Variants in DACH1 observed in about 807,000 individuals in gnomAD.
The protein encoded by DACH1 is dachshund family transcription factor 1.
In DACH1, 12 loss-of-function variants were observed where a neutral mutation model predicts 54.2. That is an observed-to-expected ratio of 0.22 (90% CI 0.14 to 0.36). DACH1 has a LOEUF of 0.36. Ranked by LOEUF, DACH1 falls within the 10% of genes least tolerant of loss-of-function variation. The probability of loss-of-function intolerance (pLI) is 1.00; values close to 1 mark genes in which losing one functional copy is unlikely to be tolerated. For missense variants in DACH1, 805 were observed against 929.8 expected (o/e 0.87, Z 1.75); for synonymous variants, 386 against 366.2 (o/e 1.05, Z -0.62).
intron 2 of DACH1, among the ~76,000 whole-genome samples, chr13:71,659,000 G>A (rs146876169): frequency 6.6e-6 from 1 of 152,012 alleles, no homozygotes; most frequent in Non-Finnish European, 1.5e-5. Flanking sequence ...TCTCAGAAAA[G>A]TTTATTCACA....
chr13:71,707,894 G>C (rs1247743779), intron 1 of DACH1, among the ~76,000 whole-genome samples: 1 of 151,942 alleles, frequency 6.6e-6, no homozygotes, highest in African/African-American at 2.4e-5. Flanking sequence ...AAGGGCACAT[G>C]GTGTTTCAAA....
chr13:71,496,503 G>A (rs988425614), intron 6 of DACH1, among the ~76,000 whole-genome samples: 1 of 151,558 alleles, frequency 6.6e-6, no homozygotes, highest in African/African-American at 2.4e-5. Flanking sequence ...ATAAGTGGGA[G>A]CTAAGTAATG....
intron 9 of DACH1, 133 bp from the exon 10 acceptor site, chr13:71,475,342 C>T (rs1461381313): frequency 3.8e-6 from 3 of 787,014 alleles, no homozygotes; most frequent in East Asian, 2.7e-5. Flanking sequence ...AAAGGTTGAA[C>T]AAAAACTGTA....
At chr13:71,822,820 A>G (rs1389788225) in intron 1 of DACH1, among the ~76,000 whole-genome samples, 1 of 152,192 alleles carries the variant, frequency 6.6e-6, no homozygotes, top group East Asian at 1.9e-4. Flanking sequence ...AAAGAAACAC[A>G]AAACAAGAAA....
intron 2 of DACH1, among the ~76,000 whole-genome samples, chr13:71,665,955 C>A (rs747462397): frequency 6.6e-6 from 1 of 151,972 alleles, no homozygotes; most frequent in Non-Finnish European, 1.5e-5. Flanking sequence ...TAAATTGACA[C>A]GAGAAATAAA....
At chr13:71,658,620 C>A (rs1350639802) in intron 2 of DACH1, among the ~76,000 whole-genome samples, 1 of 152,114 alleles carries the variant, frequency 6.6e-6, no homozygotes, top group African/African-American at 2.4e-5. Context: ...ATTTTAATCT[C>A]CTTCACTTGG....
chr13:71,761,983 GATA>G (rs1885417214), intron 1 of DACH1, among the ~76,000 whole-genome samples: 2 of 152,156 alleles, frequency 1.3e-5, no homozygotes, highest in South Asian at 4.1e-4. Context: ...TAGCAATACT[GATA>G]ATAATATTGA....
intron 1 of DACH1, among the ~76,000 whole-genome samples, chr13:71,830,571 G>A (rs1888547459): frequency 6.6e-6 from 1 of 151,754 alleles, no homozygotes. Context: ...TTGACAAGTG[G>A]AAAATAAACT....
chr13:71,487,795 A>T (rs1173643180), intron 7 of DACH1, among the ~76,000 whole-genome samples: 2 of 152,212 alleles, frequency 1.3e-5, no homozygotes, highest in African/African-American at 4.8e-5. Context: ...AGAAATGTTA[A>T]GGGATATTTT....
intron 3 of DACH1, among the ~76,000 whole-genome samples, chr13:71,591,918 C>T (rs767197416): frequency 6.6e-6 from 1 of 151,996 alleles, no homozygotes; most frequent in Non-Finnish European, 1.5e-5. Context: ...TGCCAAACAA[C>T]AGAATCCAAA....
intron 6 of DACH1, among the ~76,000 whole-genome samples, chr13:71,498,814 G>A (rs1879662585): frequency 6.6e-6 from 1 of 151,914 alleles, no homozygotes; most frequent in Non-Finnish European, 1.5e-5. Context: ...TATTTTTAGG[G>A]GGAAATCATA....
rs1448425736 is a variant in DACH1, at chr13:71,439,255, T to C, written c.*1400A>G. 3.9e-5 allele frequency: 6 copies of C among 152,450 alleles called. No individual in the cohort carries two copies. Among genetic ancestry groups the C allele is most frequent in the Non-Finnish European group, 8.8e-5 (6 of 67,906 alleles). The allele number at this position is 152,450 out of a possible 1,614,324, so 9.4% of individuals were successfully genotyped here. On this transcript the variant is annotated 3_prime_UTR_variant, in exon 11 of 11. Transcript: ENST00000613252. ...TTCATATCAGTCTTTAAAGGTGTAA[T>C]TCCAGATATGCAAAAAACAAAGAGA...
chr13:71,639,609 A>T lies in DACH1; in HGVS notation c.965-8892T>A, dbSNP rs529235607. On this transcript the variant is annotated intron_variant, in intron 2 of 10. Coordinates refer to ENST00000613252, the MANE Select transcript of DACH1 (RefSeq NM_080759.6). Reference sequence around the variant, plus strand: ...TATAAATCAAATAGACATCAGATTTAGCATTCTTTTTCTGGATAGCTTAAA... The same window carrying T: ...TATAAATCAAATAGACATCAGATTTTGCATTCTTTTTCTGGATAGCTTAAA... Among the ~76,000 whole-genome samples the T allele has an allele frequency of 9.9e-5, 15 of 152,214 alleles. No individual in the cohort carries two copies. In the South Asian group the frequency reaches 3.1e-3, roughly 32 times the overall value.
At chr13:71,675,112 C>A in intron 2 of DACH1, 1 of 1,577,438 alleles carries the variant, frequency 6.3e-7, no homozygotes. Context: ...TGGTAAAGCA[C>A]CCAGGAAGTA....
chr13:71,787,001 A>C (rs1165504680), intron 1 of DACH1, among the ~76,000 whole-genome samples: 1 of 152,136 alleles, frequency 6.6e-6, no homozygotes, highest in Non-Finnish European at 1.5e-5. Flanking sequence ...AGAGAGAGAA[A>C]ATGCAATTAA....
At chr13:71,535,243 G>A (rs1391804305) in intron 6 of DACH1, among the ~76,000 whole-genome samples, 1 of 151,196 alleles carries the variant, frequency 6.6e-6, no homozygotes, top group African/African-American at 2.4e-5. Flanking sequence ...CCTTAAAGAA[G>A]CATATTTATA....
At chr13:71,772,623 G>A (rs553015172) in intron 1 of DACH1, among the ~76,000 whole-genome samples, 3 of 151,566 alleles carry the variant, frequency 2.0e-5, no homozygotes, top group Non-Finnish European at 4.4e-5. Context: ...TCTCATTGAG[G>A]CAATATCCTG....
chr13:71,671,516 G>A (rs535453667), intron 2 of DACH1, among the ~76,000 whole-genome samples: 2 of 152,020 alleles, frequency 1.3e-5, no homozygotes, highest in South Asian at 2.1e-4. Flanking sequence ...AAAATTAAAA[G>A]TAAAATAAAA....
At chr13:71,627,466 A>C (rs917706261) in intron 3 of DACH1, among the ~76,000 whole-genome samples, 1 of 152,034 alleles carries the variant, frequency 6.6e-6, no homozygotes, top group Non-Finnish European at 1.5e-5. Flanking sequence ...GCAACAATAC[A>C]TCATTTAAGT....
Sources: allele counts gnomAD v4.1 joint callset (sites outside exome capture counted in the v4.1 genomes callset), GRCh38; gene constraint gnomAD v4.1.1; transcripts MANE v1.5; gene names NCBI Gene and HGNC (gene_info 2026-07-23, HGNC 2026-07-21).